Variants in CCDC169 observed in about 807,000 individuals in gnomAD.
The protein encoded by CCDC169 is coiled-coil domain-containing protein 169.
Under a neutral mutation model 36.0 loss-of-function variants are expected in CCDC169, and 30 were observed. The ratio of observed to expected loss-of-function variants is 0.83; its 90% CI spans 0.62 to 1.13. The LOEUF is 1.13. Ranked by LOEUF, CCDC169 falls within the 50% of genes most tolerant of loss-of-function variation. The probability of loss-of-function intolerance (pLI) is 0.00; values close to 1 mark genes in which losing one functional copy is unlikely to be tolerated. For missense variants in CCDC169, 245 were observed against 245.9 expected (o/e 1.00, Z 0.03); for synonymous variants, 85 against 81.5 (o/e 1.04, Z -0.23).
At chr13:36,265,144 A>G (rs1315593257) in intron 4 of CCDC169, among the ~76,000 whole-genome samples, 2 of 152,154 alleles carry the variant, frequency 1.3e-5, no homozygotes, top group African/African-American at 4.8e-5. Context: ...AGCAGCTCTC[A>G]TTTTAGGTAA....
chr13:36,274,875 T>TC (rs1378625455), intron 4 of CCDC169, among the ~76,000 whole-genome samples: 8 of 149,000 alleles, frequency 5.4e-5, no homozygotes, highest in Middle Eastern at 3.4e-3. Context: ...TGCATTTTTT[T>TC]TTTTTTTTTT....
chr13:36,273,335 C>T (rs1420616713), intron 4 of CCDC169, among the ~76,000 whole-genome samples: 1 of 152,086 alleles, frequency 6.6e-6, no homozygotes, highest in African/African-American at 2.4e-5. Flanking sequence ...TCCAATTTTA[C>T]ATTTGTTATT....
chr13:36,290,910 G>A (rs1404396538), intron 2 of CCDC169, among the ~76,000 whole-genome samples: 1 of 150,758 alleles, frequency 6.6e-6, no homozygotes, highest in Admixed American at 6.6e-5. Context: ...CACCATCCCA[G>A]AACTTAAGTT....
chr13:36,289,629 T>C lies in CCDC169; in HGVS notation c.164-5927A>G, dbSNP rs1181804584. 5.3e-5 allele frequency among the ~76,000 whole-genome samples: 8 copies of C among 152,338 alleles called. No individual in the cohort carries two copies. The South Asian group carries it at 1.2e-3, about 24-fold the overall frequency. ...CACTGCAGGTTTTTCTTTGCCTTTCTGGTAACTGGCGTAAGAAACAACATT... is the reference window on the plus strand; with the variant it reads ...CACTGCAGGTTTTTCTTTGCCTTTCCGGTAACTGGCGTAAGAAACAACATT... On this transcript the variant is annotated intron_variant, in intron 2 of 7. Transcript: ENST00000239859.
At chr13:36,281,834 C>T (rs535456095) in intron 4 of CCDC169, among the ~76,000 whole-genome samples, 2 of 151,870 alleles carry the variant, frequency 1.3e-5, no homozygotes, top group East Asian at 3.9e-4. Flanking sequence ...TACACTCCAG[C>T]CTGGGTGACA....
At chr13:36,260,949 T>A (rs1198715756) in intron 4 of CCDC169, among the ~76,000 whole-genome samples, 2 of 152,114 alleles carry the variant, frequency 1.3e-5, no homozygotes, top group African/African-American at 4.8e-5. Flanking sequence ...AATCTAATAA[T>A]CCTTCTACCT....
At chr13:36,286,342 T>C (rs1878252710) in intron 2 of CCDC169, among the ~76,000 whole-genome samples, 2 of 152,192 alleles carry the variant, frequency 1.3e-5, no homozygotes, top group South Asian at 4.1e-4. Context: ...CCCAACCACC[T>C]TCTGCCTCTT....
At chr13:36,234,797 T>C (rs1288079400) in intron 7 of CCDC169, among the ~76,000 whole-genome samples, 1 of 152,070 alleles carries the variant, frequency 6.6e-6, no homozygotes, top group Non-Finnish European at 1.5e-5. Flanking sequence ...GAATTAATCA[T>C]CAGCAAACCT....
intron 4 of CCDC169, among the ~76,000 whole-genome samples, chr13:36,270,694 G>T (rs1387623108): frequency 2.0e-5 from 3 of 152,092 alleles, no homozygotes; most frequent in Non-Finnish European, 2.9e-5. Context: ...TTTAATAAAT[G>T]GTGCAGGGAA....
At position 36,248,605 on chromosome 13, in the gene CCDC169, C is replaced by G. The variant is rs1373756455; in HGVS notation, c.545+1G>C. 6.5e-7 allele frequency: 1 copy of G among 1,548,694 alleles called. No homozygotes were observed. Among genetic ancestry groups the G allele is most frequent in the Non-Finnish European group, 8.7e-7 (1 of 1,145,050 alleles). On this transcript the variant is annotated splice_donor_variant, in intron 7 of 7. Transcript: ENST00000239859. LOFTEE classifies it high-confidence loss of function. The stretch of plus-strand genomic sequence containing the variant: ...GAAAGAAAATATATAGCTAGACTTA[C>G]GTTTTCACTAGATTCTCTTGCATCC...
chr13:36,239,767 T>C (rs892694586), intron 7 of CCDC169, among the ~76,000 whole-genome samples: 4 of 152,252 alleles, frequency 2.6e-5, no homozygotes, highest in Non-Finnish European at 1.5e-5. Context: ...GATTGGTCTA[T>C]CTGCTCCAAA....
rs189551728 is a variant in CCDC169 at position 36,232,826 on chromosome 13, G to A, written c.546-1534C>T. Among the ~76,000 whole-genome samples, 40 of 152,264 alleles carry A rather than the reference G, an allele frequency of 2.6e-4. 1 individual carries two copies. Among genetic ancestry groups the A allele is most frequent in the African/African-American group, 8.4e-4 (35 of 41,550 alleles). Reference sequence around the variant, plus strand: ...AGACATGAGAATCACTTGAGCCTGAGGCAGAGGTTGCAGTGAGCCGAGATC... The same window carrying A: ...AGACATGAGAATCACTTGAGCCTGAAGCAGAGGTTGCAGTGAGCCGAGATC... On this transcript the variant is annotated intron_variant, in intron 7 of 7. Coordinates refer to ENST00000239859, the MANE Select transcript of CCDC169 (RefSeq NM_001144981.3).
chr13:36,286,616 TTC>T (rs368203401), intron 2 of CCDC169, among the ~76,000 whole-genome samples: 14 of 152,140 alleles, frequency 9.2e-5, no homozygotes, highest in African/African-American at 3.4e-4. Flanking sequence ...TTGTCTCTCT[TTC>T]TCTCTCTCTT....
chr13:36,236,271 CA>C (rs1252061442), intron 7 of CCDC169, among the ~76,000 whole-genome samples: 3 of 152,034 alleles, frequency 2.0e-5, no homozygotes, highest in Non-Finnish European at 4.4e-5. Context: ...GTTAGTCATC[CA>C]GACAGTATGG....
At chr13:36,264,373 A>C (rs941387080) in intron 4 of CCDC169, among the ~76,000 whole-genome samples, 1 of 152,176 alleles carries the variant, frequency 6.6e-6, no homozygotes, top group Non-Finnish European at 1.5e-5. Context: ...GGCTTGAATC[A>C]GAAATGATTA....
At chr13:36,275,988 G>C in intron 4 of CCDC169, among the ~76,000 whole-genome samples, 1 of 152,158 alleles carries the variant, frequency 6.6e-6, no homozygotes, top group Non-Finnish European at 1.5e-5. Context: ...ACAATGGCCC[G>C]ATGGTTTAAA....
intron 4 of CCDC169, among the ~76,000 whole-genome samples, chr13:36,264,811 T>C (rs975285806): frequency 1.3e-5 from 2 of 152,220 alleles, no homozygotes; most frequent in African/African-American, 2.4e-5. Context: ...GTGCTAGGGA[T>C]AGCACACTAA....
chr13:36,257,641 T>C (rs948263616), intron 4 of CCDC169, among the ~76,000 whole-genome samples: 3 of 151,658 alleles, frequency 2.0e-5, no homozygotes, highest in African/African-American at 7.3e-5. Flanking sequence ...AGGCGGGGGT[T>C]GTAGTGAGCC....
chr13:36,251,007 T>C (rs902925022), intron 6 of CCDC169, among the ~76,000 whole-genome samples: 8 of 152,366 alleles, frequency 5.3e-5, no homozygotes, highest in African/African-American at 1.9e-4. Context: ...AAGTTTATTA[T>C]GTGCTGCAAA....
Sources: allele counts gnomAD v4.1 joint callset (sites outside exome capture counted in the v4.1 genomes callset), GRCh38; gene constraint gnomAD v4.1.1; transcripts MANE v1.5; gene names NCBI Gene and HGNC (gene_info 2026-07-23, HGNC 2026-07-21).